Variants in NDUFAF5 observed in about 807,000 individuals in gnomAD.
NDUFAF5 encodes the protein arginine-hydroxylase NDUFAF5, mitochondrial.
A neutral mutation model predicts 48.9 loss-of-function variants in NDUFAF5; 34 were observed. That is an observed-to-expected ratio of 0.70 (90% confidence interval 0.53 to 0.93). The LOEUF is 0.93. NDUFAF5 is among the 40% of genes least tolerant of loss of function. The pLI is 0.00. For missense variants in NDUFAF5, 428 were observed against 427.5 expected (o/e 1.00, Z -0.01); for synonymous variants, 153 against 150.6 (o/e 1.02, Z -0.12).
chr20:13,796,109 G>A (rs558181583), intron 5 of NDUFAF5, among the ~76,000 whole-genome samples: 6 of 152,258 alleles, frequency 3.9e-5, no homozygotes, highest in African/African-American at 1.2e-4. Flanking sequence ...GGCTCTCCAC[G>A]TCCAGTTCAA....
intron 7 of NDUFAF5, 76 bp downstream of exon 7, chr20:13,801,759 CTG>C: frequency 7.5e-7 from 1 of 1,334,516 alleles, no homozygotes; most frequent in Non-Finnish European, 1.1e-6. Context: ...AGATAGAAAA[CTG>C]TATGTGTTCA....
intron 3 of NDUFAF5, among the ~76,000 whole-genome samples, chr20:13,789,141 G>A (rs970054306): frequency 6.6e-6 from 1 of 152,122 alleles, no homozygotes; most frequent in Non-Finnish European, 1.5e-5. Context: ...ATACGATATT[G>A]TGCTGGACAC....
Position 13,797,765 on chromosome 20 carries a change from C to T in NDUFAF5, c.480-696C>T, listed in dbSNP as rs533197461. On this transcript the variant is annotated intron_variant, in intron 5 of 10. Transcript: ENST00000378106. The stretch of plus-strand genomic sequence containing the variant: ...GGATAATCACTTATCAGTATAGCTT[C>T]ATCAGTTGTAACAAATATACACTCT... Among the ~76,000 whole-genome samples the T allele has an allele frequency of 4.6e-5, 7 of 152,226 alleles. No individual in the cohort carries two copies. In the South Asian group the frequency reaches 1.4e-3, roughly 32 times the overall value.
At chr20:13,796,650 C>G (rs368224330) in intron 5 of NDUFAF5, among the ~76,000 whole-genome samples, 3 of 152,098 alleles carry the variant, frequency 2.0e-5, no homozygotes, top group Admixed American at 1.3e-4. Flanking sequence ...TTCGCTGTCA[C>G]GCATGACTAC....
In NDUFAF5 at chr20:13,793,807, A is replaced by G. The variant is rs538298615; in HGVS notation, c.375+580A>G. Among the ~76,000 whole-genome samples the G allele has an allele frequency of 7.2e-5, 11 of 152,356 alleles. No individual in the cohort carries two copies. In the East Asian group the frequency reaches 2.1e-3, roughly 29 times the overall value. On this transcript the variant is annotated intron_variant, in intron 4 of 10. Coordinates refer to ENST00000378106, the MANE Select transcript of NDUFAF5 (RefSeq NM_024120.5). Reference sequence around the variant, plus strand: ...TTCATTTAAAAATTTTTTGACATACATCTTCAGACTGCCCTTAGAAAGACT... The same window carrying G: ...TTCATTTAAAAATTTTTTGACATACGTCTTCAGACTGCCCTTAGAAAGACT...
At chr20:13,806,854 TAGAG>T (rs916205493) in intron 7 of NDUFAF5, among the ~76,000 whole-genome samples, 1 of 152,132 alleles carries the variant, frequency 6.6e-6, no homozygotes, top group Non-Finnish European at 1.5e-5. Flanking sequence ...AAGGTATATA[TAGAG>T]AGAGTGATAC....
chr20:13,788,598 CCTTG>C lies in NDUFAF5; in HGVS notation c.277_280del (p.Ala93TrpfsTer14), dbSNP rs1359847895. On this transcript the variant is annotated frameshift_variant, in exon 3 of 11. Transcript: ENST00000378106. LOFTEE classifies it high-confidence loss of function. The stretch of plus-strand genomic sequence containing the variant: ...GTGTCTTTTTTTTTAGAAATTTCCC[CCTTG>C]CTTTGGATCTTGGTTGTGGAAGAGG... 2.5e-6 allele frequency: 4 copies of C among 1,611,186 alleles called. No homozygotes were observed. The highest frequency in any genetic ancestry group is 2.7e-5 in the African/African-American group (2 of 74,810).
Position 13,819,356 on chromosome 20 carries a change from ATTT to A in NDUFAF5, c.*2151_*2153del, listed in dbSNP as rs771255719. The A allele has an allele frequency of 6.6e-6, 1 of 151,562 alleles. No homozygotes were observed. Among genetic ancestry groups the A allele is most frequent in the Non-Finnish European group, 1.5e-5 (1 of 67,960 alleles). 9.4% of individuals were successfully genotyped at this position (151,562 alleles called of 1,614,324 possible). On this transcript the variant is annotated 3_prime_UTR_variant, in exon 11 of 11. Transcript: ENST00000378106. Reference sequence around the variant, plus strand: ...AAATAATCATCTTTTTTGTTGGTTTATTTTTTTATTTTTTATTTTATTTTATTT... The same window carrying A: ...AAATAATCATCTTTTTTGTTGGTTTATTTTATTTTTTATTTTATTTTATTT...
At chr20:13,786,560 G>A (rs1981172849) in intron 1 of NDUFAF5, among the ~76,000 whole-genome samples, 1 of 152,110 alleles carries the variant, frequency 6.6e-6, no homozygotes, top group Non-Finnish European at 1.5e-5. Flanking sequence ...TGGACTCCTG[G>A]GAAAAACATC....
rs1986877184 is a variant in NDUFAF5, at chr20:13,820,082, C to T, written c.*2872C>T. 6.6e-6 allele frequency: 1 copy of T among 152,152 alleles called. No individual in the cohort carries two copies. The highest frequency in any genetic ancestry group is 6.5e-5 in the Admixed American group (1 of 15,280). The allele number at this position is 152,152 out of a possible 1,614,324, so 9.4% of individuals were successfully genotyped here. A position where few individuals can be genotyped will look rare whatever the true frequency, so the allele number is the denominator to read the frequency against. On this transcript the variant is annotated 3_prime_UTR_variant, in exon 11 of 11. Transcript: ENST00000378106. ...GCTCTAGTATGTGCACACCGTGACA[C>T]CTGTTGGCTGCCAGGAGACTGTTTG...
At position 13,816,209 on chromosome 20, in the gene NDUFAF5, C is replaced by T. The variant is rs1000952608; in HGVS notation, c.779-254C>T. ...CGGGCTTACTTTAGACCATTGCTGGCAAGTAAAGCATTGTGGAGCTGCCTC... is the reference window on the plus strand; with the variant it reads ...CGGGCTTACTTTAGACCATTGCTGGTAAGTAAAGCATTGTGGAGCTGCCTC... On this transcript the variant is annotated intron_variant, in intron 8 of 10. Transcript: ENST00000378106. 24 of 524,888 alleles carry T rather than the reference C, an allele frequency of 4.6e-5. No homozygotes were observed. In the Admixed American group the frequency reaches 7.1e-4, roughly 15 times the overall value. The allele number at this position is 524,888 out of a possible 1,614,324, so 32.5% of individuals were successfully genotyped here.
intron 5 of NDUFAF5, among the ~76,000 whole-genome samples, chr20:13,797,633 A>G (rs866671791): frequency 5.9e-5 from 9 of 152,112 alleles, no homozygotes; most frequent in African/African-American, 2.2e-4. Flanking sequence ...CAGTAAAGCT[A>G]CTCTATGATA....
rs752404272 is a variant in NDUFAF5, at chr20:13,798,446, A to C, written c.480-15A>C. 25 of 1,597,240 alleles carry C rather than the reference A, an allele frequency of 1.6e-5. No homozygotes were observed. Among genetic ancestry groups the C allele is most frequent in the Non-Finnish European group, 2.1e-5 (25 of 1,164,846 alleles). ...GCCAGTTAAGCTAAAACAAATCTGTATTCTCATATTTTAGTTTGCATTGGG... is the reference window on the plus strand; with the variant it reads ...GCCAGTTAAGCTAAAACAAATCTGTCTTCTCATATTTTAGTTTGCATTGGG... On this transcript the variant is annotated splice_polypyrimidine_tract_variant and intron_variant, in intron 5 of 10. Transcript: ENST00000378106.
chr20:13,801,807 CTCTTT>C, intron 7 of NDUFAF5, 124 bp downstream of exon 7: 1 of 799,742 alleles, frequency 1.3e-6, no homozygotes, highest in South Asian at 1.6e-5. Context: ...CTTTTTTTTT[CTCTTT>C]TTAAGGGAAA....
intron 7 of NDUFAF5, among the ~76,000 whole-genome samples, chr20:13,802,931 T>C (rs1295632410): frequency 4.6e-5 from 7 of 152,166 alleles, no homozygotes; most frequent in Non-Finnish European, 2.9e-5. Context: ...ATCAGTCCAG[T>C]AGACTTAATA....
intron 6 of NDUFAF5, among the ~76,000 whole-genome samples, chr20:13,801,082 C>T (rs1984041126): frequency 6.6e-6 from 1 of 152,144 alleles, no homozygotes; most frequent in African/African-American, 2.4e-5. Flanking sequence ...GGGAAATAGA[C>T]TCCCTATCTT....
intron 6 of NDUFAF5, among the ~76,000 whole-genome samples, chr20:13,800,069 T>A (rs911174521): frequency 6.6e-6 from 1 of 151,994 alleles, no homozygotes; most frequent in African/African-American, 2.4e-5. Context: ...GGACGGTGAG[T>A]ATGCTGAGAG....
At chr20:13,789,610 G>C (rs754816678) in intron 3 of NDUFAF5, among the ~76,000 whole-genome samples, 2 of 152,094 alleles carry the variant, frequency 1.3e-5, no homozygotes, top group Non-Finnish European at 2.9e-5. Context: ...CGAGTACCTG[G>C]GTCTACAGGT....
At chr20:13,814,001 A>G (rs1986175429) in intron 8 of NDUFAF5, 1 of 168,336 alleles carries the variant, frequency 5.9e-6, no homozygotes, top group South Asian at 1.5e-4. Context: ...ACCTTCCAGC[A>G]TTGTTTATGA....
Sources: gnomAD v4.1 joint callset for allele counts (sites outside exome capture counted in the v4.1 genomes callset) on GRCh38, gnomAD v4.1.1 for gene constraint, MANE v1.5 for transcripts, NCBI Gene and HGNC (gene_info 2026-07-23, HGNC 2026-07-21) for gene names.